The following FERMT2 variants were observed in gnomAD, a reference collection of about 807,000 sequenced individuals.
FERMT2 encodes the protein fermitin family homolog 2.
In FERMT2, 15 loss-of-function variants were observed where a neutral mutation model predicts 82.7. The ratio of observed to expected loss-of-function variants is 0.18; its 90% CI spans 0.12 to 0.28. The LOEUF (loss-of-function observed/expected upper bound fraction) is 0.28, where lower values mean the gene tolerates loss of function less well. Ranked by LOEUF, FERMT2 falls within the 10% of genes least tolerant of loss-of-function variation. FERMT2 has a pLI of 1.00. For missense variants in FERMT2, 645 were observed against 809.4 expected (o/e 0.80, Z 2.46); for synonymous variants, 274 against 271.5 (o/e 1.01, Z -0.09).
intron 2 of FERMT2, among the ~76,000 whole-genome samples, chr14:52,923,017 CAT>C (rs1339604596): frequency 3.3e-5 from 5 of 152,170 alleles, no homozygotes; most frequent in African/African-American, 1.2e-4. Context: ...CAAACCTGTA[CAT>C]ATGTTACTGT....
chr14:52,870,032 T>C (rs1031942455), intron 10 of FERMT2, among the ~76,000 whole-genome samples: 4 of 152,162 alleles, frequency 2.6e-5, no homozygotes, highest in Non-Finnish European at 5.9e-5. Flanking sequence ...AGCTGTACAA[T>C]GTTTAAGCTA....
chr14:52,875,926 C>T (rs866373211), intron 7 of FERMT2, among the ~76,000 whole-genome samples: 2 of 152,038 alleles, frequency 1.3e-5, no homozygotes, highest in Non-Finnish European at 2.9e-5. Context: ...CCCACATATA[C>T]GTGGGTGGGG....
chr14:52,930,975 T>C (rs1414670409), intron 2 of FERMT2, among the ~76,000 whole-genome samples: 1 of 152,190 alleles, frequency 6.6e-6, no homozygotes. Context: ...AACTTCTCTT[T>C]CGATTTTAGA....
chr14:52,910,657 A>G (rs1888262878), intron 3 of FERMT2, among the ~76,000 whole-genome samples: 2 of 152,242 alleles, frequency 1.3e-5, no homozygotes, highest in Non-Finnish European at 2.9e-5. Flanking sequence ...GAGTTAAATT[A>G]TAAAAGAAAG....
At chr14:52,897,717 C>T (rs925617060) in intron 3 of FERMT2, among the ~76,000 whole-genome samples, 3 of 152,152 alleles carry the variant, frequency 2.0e-5, no homozygotes, top group Non-Finnish European at 4.4e-5. Context: ...CGGCTCACGC[C>T]TGTAATCCCA....
At chr14:52,873,208 T>C (rs1354011389) in intron 9 of FERMT2, among the ~76,000 whole-genome samples, 1 of 152,132 alleles carries the variant, frequency 6.6e-6, no homozygotes, top group Non-Finnish European at 1.5e-5. Context: ...TATCACTAAC[T>C]AGCAGGTCAC....
chr14:52,862,623 A>G (rs563969775), intron 12 of FERMT2: 1 of 152,436 alleles, frequency 6.6e-6, no homozygotes, highest in Non-Finnish European at 1.5e-5. Flanking sequence ...CGCTTGAGCT[A>G]TGATGGTGCC....
chr14:52,872,989 A>C, intron 9 of FERMT2, 66 bp from the exon 10 acceptor site: 1 of 1,465,210 alleles, frequency 6.8e-7, no homozygotes, highest in Non-Finnish European at 9.4e-7. Flanking sequence ...TGTATTAGCA[A>C]AGTTTCACAA....
At position 52,881,086 on chromosome 14, in the gene FERMT2, C is replaced by A. The variant is rs1417566404; in HGVS notation, c.805G>T (p.Ala269Ser). 3.1e-6 allele frequency: 5 copies of A among 1,613,502 alleles called. No individual in the cohort carries two copies. In the Admixed American group the frequency reaches 8.3e-5, roughly 27 times the overall value. The change falls in exon 6 of 15, where the codon GCC (alanine) becomes TCC (serine). Residue 269 changes from alanine to serine, a missense_variant. Transcript: ENST00000341590. ...LMEQDVKENEALLLRFKYYSF... is the reference protein window; with the variant it reads ...LMEQDVKENESLLLRFKYYSF... The stretch of plus-strand genomic sequence containing the variant: ...TAATACTTGAATCGGAGCAGCAAGG[C>A]CTCATTTTCCTTCACATCTTGTTCC...
chr14:52,879,854 G>A lies in FERMT2; in HGVS notation c.856-1165C>T, dbSNP rs1026892603. Among the ~76,000 whole-genome samples the A allele has an allele frequency of 2.6e-4, 40 of 152,090 alleles. 1 individual carries two copies. Among genetic ancestry groups the A allele is most frequent in the African/African-American group, 9.4e-4 (39 of 41,416 alleles). On this transcript the variant is annotated intron_variant, in intron 6 of 14. Coordinates refer to ENST00000341590, the MANE Select transcript of FERMT2 (RefSeq NM_006832.3). ...GGGGAAAAAAGCTCCAGATATTTAT[G>A]GTAAAGTTAAATCTTACCAGAAAAG...
intron 2 of FERMT2, among the ~76,000 whole-genome samples, chr14:52,947,261 C>T (rs944752485): frequency 3.3e-5 from 5 of 152,120 alleles, no homozygotes; most frequent in East Asian, 1.9e-4. Context: ...AGGCGGATGA[C>T]GAGGTTAGGA....
intron 4 of FERMT2, among the ~76,000 whole-genome samples, chr14:52,884,741 C>T (rs945522303): frequency 2.6e-5 from 4 of 152,126 alleles, no homozygotes; most frequent in Non-Finnish European, 5.9e-5. Context: ...TGGCTCATGC[C>T]TGTAATCCCA....
intron 4 of FERMT2, among the ~76,000 whole-genome samples, chr14:52,892,159 G>GGT (rs1555368978): frequency 2.5e-5 from 2 of 78,822 alleles, no homozygotes; most frequent in African/African-American, 7.8e-5. Flanking sequence ...AGAGAAGGCT[G>GGT]TTTTTTGTTT....
At chr14:52,878,799 T>A (rs1594941581) in intron 6 of FERMT2, 110 bp from the exon 7 acceptor site, 1 of 557,566 alleles carries the variant, frequency 1.8e-6, no homozygotes, top group Non-Finnish European at 3.0e-6. Context: ...TTTCCTGGGA[T>A]CTTAATTTAC....
intron 4 of FERMT2, among the ~76,000 whole-genome samples, chr14:52,885,811 T>A (rs902685622): frequency 8.5e-5 from 13 of 152,072 alleles, no homozygotes; most frequent in Admixed American, 4.6e-4. Context: ...AAAATACCTA[T>A]CTTATACCAT....
chr14:52,942,377 A>G (rs1195263990), intron 2 of FERMT2, among the ~76,000 whole-genome samples: 2 of 146,678 alleles, frequency 1.4e-5, no homozygotes, highest in Non-Finnish European at 3.0e-5. Flanking sequence ...ATCCCGGCTC[A>G]CTGCAAGCTC....
chr14:52,902,493 G>A (rs1048747138), intron 3 of FERMT2, among the ~76,000 whole-genome samples: 5 of 151,850 alleles, frequency 3.3e-5, no homozygotes, highest in African/African-American at 9.7e-5. Flanking sequence ...CTATTCTGTT[G>A]AAGTATAACT....
chr14:52,874,374 A>G, intron 8 of FERMT2, 148 bp from the exon 9 acceptor site: 1 of 517,214 alleles, frequency 1.9e-6, no homozygotes. Flanking sequence ...ATCACATTAC[A>G]TAGTCTTGTG....
rs116110737 is a variant in FERMT2, at chr14:52,928,460, A to G, written c.158-9104T>C. On this transcript the variant is annotated intron_variant, in intron 2 of 14. Coordinates refer to ENST00000341590, the MANE Select transcript of FERMT2 (RefSeq NM_006832.3). The stretch of plus-strand genomic sequence containing the variant: ...AGTGTTCTAGTGACAAAGCCACTAA[A>G]GAAGCTGGTTCTGACCTACTGTAAG... 9.2e-3 allele frequency: 1,410 copies of G among 153,004 alleles called. 21 individuals are homozygous for G. The highest frequency in any genetic ancestry group is 0.032 in the African/African-American group (1,324 of 41,564). 9.5% of individuals were successfully genotyped at this position (153,004 alleles called of 1,614,324 possible).
Sources: gnomAD v4.1 joint callset for allele counts (sites outside exome capture counted in the v4.1 genomes callset) on GRCh38, gnomAD v4.1.1 for gene constraint, MANE v1.5 for transcripts, NCBI Gene and HGNC (gene_info 2026-07-23, HGNC 2026-07-21) for gene names.